The following EPB41L2 variants were observed in gnomAD, a reference collection of about 807,000 sequenced individuals.
EPB41L2 encodes the protein band 4.1-like protein 2.
EPB41L2 carries 43 observed loss-of-function variants against 113.0 expected under a neutral mutation model. That is an observed-to-expected ratio of 0.38 (90% CI 0.30 to 0.49). EPB41L2 has a LOEUF of 0.49. EPB41L2 is among the 20% of genes least tolerant of loss of function. EPB41L2 has a pLI of 0.95. For missense variants in EPB41L2, 1,147 were observed against 1,223.4 expected, an observed-to-expected ratio of 0.94 and a Z score of 0.93; for synonymous variants, 442 against 436.7, an observed-to-expected ratio of 1.01 and a Z score of -0.15.
chr6:131,012,153 C>T (rs972531922), intron 1 of EPB41L2, among the ~76,000 whole-genome samples: 2 of 151,610 alleles, frequency 1.3e-5, no homozygotes, highest in African/African-American at 2.4e-5. Context: ...TGCAGTGAGC[C>T]GAGACTGAGT....
chr6:131,009,739 G>C (rs937791727), intron 1 of EPB41L2, among the ~76,000 whole-genome samples: 12 of 144,074 alleles, frequency 8.3e-5, no homozygotes, highest in African/African-American at 2.6e-4. Flanking sequence ...ATATTAATAA[G>C]TTGAAGGCCA....
Position 130,858,267 on chromosome 6 carries a change from G to A in EPB41L2, c.2911-24C>T, listed in dbSNP as rs367589147. The A allele has an allele frequency of 2.5e-5, 40 of 1,588,752 alleles. No individual in the cohort carries two copies. In the East Asian group the frequency reaches 4.5e-4, roughly 18 times the overall value. On this transcript the variant is annotated intron_variant, in intron 18 of 19. Transcript: ENST00000337057. ...GCCTGCCAGGGTCAGGACAGAGAACGGCTGTGAGCTGGGGAACAGCCTCCA... is the reference window on the plus strand; with the variant it reads ...GCCTGCCAGGGTCAGGACAGAGAACAGCTGTGAGCTGGGGAACAGCCTCCA...
chr6:130,845,058 AT>A lies in EPB41L2; in HGVS notation c.*6-4461del, dbSNP rs141120807. ...CTGTCTCAAATAAACAAATAAATAA[AT>A]AAAATAAAAATCCCAGAGCCAAAAA... On this transcript the variant is annotated intron_variant, in intron 19 of 19. Transcript: ENST00000337057. Among the ~76,000 whole-genome samples, 479 of 152,352 alleles carry A rather than the reference AT, an allele frequency of 3.1e-3. 1 individual carries two copies. Among genetic ancestry groups the A allele is most frequent in the Middle Eastern group, 6.8e-3 (2 of 294 alleles).
chr6:130,853,410 G>A (rs1178819648), intron 19 of EPB41L2, among the ~76,000 whole-genome samples: 1 of 152,180 alleles, frequency 6.6e-6, no homozygotes. Context: ...GGGACCGTTT[G>A]GGAATACCAC....
intron 1 of EPB41L2, among the ~76,000 whole-genome samples, chr6:131,004,346 A>G (rs2128716770): frequency 6.6e-6 from 1 of 152,326 alleles, no homozygotes; most frequent in Non-Finnish European, 1.5e-5. Flanking sequence ...GAGGTTAAGG[A>G]AATCTAAAAC....
Position 130,955,674 on chromosome 6 carries a change from C to T in EPB41L2, c.492+320G>A, listed in dbSNP as rs556595029. Among the ~76,000 whole-genome samples, 4 of 152,354 alleles carry T rather than the reference C, an allele frequency of 2.6e-5. No homozygotes were observed. In the South Asian group the frequency reaches 8.3e-4, roughly 32 times the overall value. ...AAAATGCGCACACACAAATCTACTA[C>T]TTACTGTCCAGTGAAAACTTAAAGA... On this transcript the variant is annotated intron_variant, in intron 2 of 19. Transcript: ENST00000337057.
chr6:130,928,826 C>T (rs1369072267), intron 3 of EPB41L2, among the ~76,000 whole-genome samples: 1 of 152,192 alleles, frequency 6.6e-6, no homozygotes, highest in African/African-American at 2.4e-5. Flanking sequence ...AGTAAAACCA[C>T]TTAAGTCTCC....
intron 4 of EPB41L2, among the ~76,000 whole-genome samples, chr6:130,923,986 C>T (rs1713733366): frequency 6.6e-6 from 1 of 152,264 alleles, no homozygotes; most frequent in South Asian, 2.1e-4. Context: ...TCAACTCCCC[C>T]TCCCCCAGCC....
intron 3 of EPB41L2, among the ~76,000 whole-genome samples, chr6:130,952,221 T>C (rs1397030940): frequency 6.6e-6 from 1 of 152,078 alleles, no homozygotes; most frequent in Non-Finnish European, 1.5e-5. Context: ...ATTTTATCAA[T>C]TTCATTTATT....
At chr6:130,910,220 C>T (rs539279800) in intron 4 of EPB41L2, among the ~76,000 whole-genome samples, 1 of 152,180 alleles carries the variant, frequency 6.6e-6, no homozygotes, top group South Asian at 2.1e-4. Context: ...TCAGAAATAA[C>T]ACCACACATC....
chr6:130,988,813 GCA>G (rs1781155235), intron 1 of EPB41L2, among the ~76,000 whole-genome samples: 1 of 152,196 alleles, frequency 6.6e-6, no homozygotes, highest in Admixed American at 6.5e-5. Flanking sequence ...AGGAGGCTGG[GCA>G]CAGTGACTCA....
At chr6:130,970,086 T>C (rs553803471) in intron 1 of EPB41L2, among the ~76,000 whole-genome samples, 5 of 152,232 alleles carry the variant, frequency 3.3e-5, no homozygotes, top group African/African-American at 1.2e-4. Context: ...TATCACAACA[T>C]ATTCCCTTGC....
At position 131,061,883 on chromosome 6, in the gene EPB41L2, T is replaced by A. The variant is rs571936454; in HGVS notation, c.-15+1272A>T. Among the ~76,000 whole-genome samples the A allele has an allele frequency of 5.1e-4, 78 of 152,202 alleles. 1 individual carries two copies. In the Middle Eastern group the frequency reaches 0.01, roughly 20 times the overall value. On this transcript the variant is annotated intron_variant, in intron 1 of 19. Transcript: ENST00000337057. ...GGGAAAACCGCGAAAGTCGTTTTTT[T>A]AAAACAGCTTAAATAACAGTAACAA...
chr6:131,050,063 G>C (rs1198943341), intron 1 of EPB41L2, among the ~76,000 whole-genome samples: 1 of 152,216 alleles, frequency 6.6e-6, no homozygotes, highest in Non-Finnish European at 1.5e-5. Context: ...TGGGGACCGG[G>C]TGCGGTGGCT....
intron 1 of EPB41L2, among the ~76,000 whole-genome samples, chr6:130,959,417 A>G (rs903860107): frequency 1.3e-5 from 2 of 152,184 alleles, no homozygotes; most frequent in Admixed American, 6.5e-5. Flanking sequence ...TCCTTAAAAG[A>G]GCTCTTATCA....
At chr6:130,953,928 A>G (rs1289317576) in intron 3 of EPB41L2, among the ~76,000 whole-genome samples, 1 of 151,770 alleles carries the variant, frequency 6.6e-6, no homozygotes, top group East Asian at 1.9e-4. Flanking sequence ...GCTGTGGGCA[A>G]TAAATTCATG....
intron 3 of EPB41L2, among the ~76,000 whole-genome samples, chr6:130,940,970 T>C (rs528851264): frequency 2.0e-5 from 3 of 152,336 alleles, no homozygotes; most frequent in East Asian, 1.9e-4. Context: ...TACTGTCTTA[T>C]ATGTAAAGCT....
chr6:130,984,199 T>C (rs1395173221), intron 1 of EPB41L2, among the ~76,000 whole-genome samples: 4 of 152,186 alleles, frequency 2.6e-5, no homozygotes, highest in Admixed American at 6.5e-5. Flanking sequence ...TCATCTCCCA[T>C]GATAACAATG....
At chr6:130,934,269 T>G (rs1807987414) in intron 3 of EPB41L2, among the ~76,000 whole-genome samples, 1 of 152,162 alleles carries the variant, frequency 6.6e-6, no homozygotes, top group African/African-American at 2.4e-5. Context: ...TGGTCAATTT[T>G]GTGTGTGTGT....
Sources: allele counts gnomAD v4.1 joint callset (sites outside exome capture counted in the v4.1 genomes callset), GRCh38; gene constraint gnomAD v4.1.1; transcripts MANE v1.5; gene names NCBI Gene and HGNC (gene_info 2026-07-23, HGNC 2026-07-21).